The following GPR34 variants were observed in gnomAD, a reference collection of about 807,000 sequenced individuals.
GPR34 encodes the protein G protein-coupled receptor 34.
In GPR34, 3 loss-of-function variants were observed where a neutral mutation model predicts 14.1. The observed-to-expected ratio is 0.21, with a 90% confidence interval of 0.10 to 0.55. GPR34 has a LOEUF of 0.55. GPR34 is among the 20% of genes least tolerant of loss of function. GPR34 has a pLI of 0.94. For missense variants in GPR34, 213 were observed against 292.8 expected (o/e 0.73, Z 1.99); for synonymous variants, 99 against 99.9 (o/e 0.99, Z 0.05).
chrX:41,693,676 C>T (rs751462971), intron 2 of GPR34, among the ~76,000 whole-genome samples: 1 of 111,508 alleles, frequency 9.0e-6, no homozygotes, highest in Non-Finnish European at 1.9e-5. Context: ...AGAAACATGC[C>T]TATACCTTTC....
chrX:41,694,018 T>A (rs1487026751), intron 2 of GPR34, among the ~76,000 whole-genome samples: 1 of 112,222 alleles, frequency 8.9e-6, no homozygotes, highest in Non-Finnish European at 1.9e-5. Context: ...CCACTTTGCA[T>A]GGTAGCAGTC....
At chrX:41,690,325 A>C (rs1051649577) in intron 2 of GPR34, among the ~76,000 whole-genome samples, 1 of 93,215 alleles carries the variant, frequency 1.1e-5, no homozygotes, top group Non-Finnish European at 2.1e-5. Context: ...TTAAAACAGA[A>C]TGTAATTGTG....
At chrX:41,689,990 A>AGTAG (rs959649373) in intron 2 of GPR34, among the ~76,000 whole-genome samples, 155 bp downstream of exon 2, 9 of 111,616 alleles carry the variant, frequency 8.1e-5, no homozygotes, top group Non-Finnish European at 1.7e-4. Context: ...AAACTGCAGG[A>AGTAG]GTAGGTGGTG....
At chrX:41,692,834 G>A (rs918501286) in intron 2 of GPR34, among the ~76,000 whole-genome samples, 5 of 111,788 alleles carry the variant, frequency 4.5e-5, no homozygotes, top group East Asian at 2.8e-4. Context: ...TGGGTTTTTC[G>A]TTGCCACCAC....
intron 2 of GPR34, among the ~76,000 whole-genome samples, chrX:41,694,836 C>T (rs899684396): frequency 1.2e-4 from 13 of 111,691 alleles, no homozygotes; most frequent in African/African-American, 3.9e-4. Flanking sequence ...ATTTAGGATC[C>T]TCTTCTTTAT....
Position 41,696,583 on chromosome X carries a change from C to T in GPR34, c.950C>T (p.Ser317Phe), listed in dbSNP as rs748084056. The T allele has an allele frequency of 1.2e-5, 14 of 1,207,159 alleles. No individual in the cohort carries two copies. The highest frequency in any genetic ancestry group is 2.2e-5 in the Admixed American group (1 of 45,628). The change falls in exon 3 of 3, where the codon TCT (serine) becomes TTT (phenylalanine). Residue 317 changes from serine (S) to phenylalanine (F), a missense_variant. By Grantham distance (155) the Ser-to-Phe change is radical (BLOSUM62 -2). Coordinates refer to ENST00000378142, the MANE Select transcript of GPR34 (RefSeq NM_001097579.2). ...KTNEIMLVLS[S>F]FNSCLDPVMY... ...AATGAGATCATGCTGGTTCTCTCATCTTTCAATAGTTGCTTAGATCCAGTC... is the reference window on the plus strand; with the variant it reads ...AATGAGATCATGCTGGTTCTCTCATTTTTCAATAGTTGCTTAGATCCAGTC...
rs905876106 is a variant in GPR34, at chrX:41,696,872, T to C, written c.*93T>C. 2.2e-5 allele frequency: 12 copies of C among 538,594 alleles called. No individual in the cohort carries two copies. Among genetic ancestry groups the C allele is most frequent in the Non-Finnish European group, 3.4e-5 (12 of 348,782 alleles). 44.4% of individuals were successfully genotyped at this position (538,594 alleles called of 1,213,427 possible). On this transcript the variant is annotated 3_prime_UTR_variant, in exon 3 of 3. Coordinates refer to ENST00000378142, the MANE Select transcript of GPR34 (RefSeq NM_001097579.2). ...AACAAAGTTCTAGCATTTACAAAAC[T>C]CAGATCTCAAAGCTCTGCTTGTATT... is the stretch of plus-strand genomic sequence containing the variant.
chrX:41,694,572 C>T (rs1329460304), intron 2 of GPR34, among the ~76,000 whole-genome samples: 1 of 112,288 alleles, frequency 8.9e-6, no homozygotes, highest in African/African-American at 3.2e-5. Context: ...ACCCAGGGCA[C>T]ATTTAAGCTT....
intron 2 of GPR34, among the ~76,000 whole-genome samples, chrX:41,693,211 G>T (rs1413022690): frequency 9.0e-6 from 1 of 111,349 alleles, no homozygotes; most frequent in African/African-American, 3.3e-5. Context: ...CACAATATAG[G>T]TGGTTCCTCT....
At chrX:41,690,005 G>A (rs1396754351) in intron 2 of GPR34, among the ~76,000 whole-genome samples, 170 bp downstream of exon 2, 1 of 111,022 alleles carries the variant, frequency 9.0e-6, no homozygotes, top group African/African-American at 3.3e-5. Flanking sequence ...GTGGTGGTGC[G>A]GGGGTACAAT....
In GPR34 at chrX:41,696,244, GTTTCCA is replaced by G. The variant is rs1448790974; in HGVS notation, c.614_619del (p.Phe205_His206del). The G allele has an allele frequency of 8.3e-7, 1 of 1,207,096 alleles. No homozygotes were observed. Among genetic ancestry groups the G allele is most frequent in the Non-Finnish European group, 1.1e-6 (1 of 893,124 alleles). On this transcript the variant is annotated inframe_deletion, in exon 3 of 3. Coordinates refer to ENST00000378142, the MANE Select transcript of GPR34 (RefSeq NM_001097579.2). ...AAAGGAGGGCATAATTCCACAATGT[GTTTCCA>G]TTACAGAGATAAGCATAACGCAAAA... is the stretch of plus-strand genomic sequence containing the variant.
rs1286348252 is a variant in GPR34 at position 41,696,776 on chromosome X, T to C, written c.1143T>C (p.Thr381=). ...AAATACAGTCTAGTTCTAAAAGTAC[T>C]TGAGGTAAACATACTAAAATGAATT... ...AVKIQSSSKS[T] The change falls in exon 3 of 3, where the codon ACT becomes ACC. Residue 381 remains threonine (T), a synonymous_variant. Coordinates refer to ENST00000378142, the MANE Select transcript of GPR34 (RefSeq NM_001097579.2). 1 of 1,130,266 alleles carries C rather than the reference T, an allele frequency of 8.8e-7. No individual in the cohort carries two copies. Among genetic ancestry groups the C allele is most frequent in the Admixed American group, 2.5e-5 (1 of 39,845 alleles). The allele number at this position is 1,130,266 out of a possible 1,213,427, so 93.1% of individuals were successfully genotyped here. A position where few individuals can be genotyped will look rare whatever the true frequency, so the allele number is the denominator to read the frequency against.
At chrX:41,689,522 A>G (rs1243125023) in intron 1 of GPR34, among the ~76,000 whole-genome samples, 1 of 111,421 alleles carries the variant, frequency 9.0e-6, no homozygotes, top group Non-Finnish European at 1.9e-5. Flanking sequence ...TATTATTACT[A>G]TTTTATAGTA....
chrX:41,693,347 C>T (rs1052592157), intron 2 of GPR34, among the ~76,000 whole-genome samples: 2 of 111,699 alleles, frequency 1.8e-5, no homozygotes, highest in African/African-American at 3.3e-5. Flanking sequence ...GGCATAGTGG[C>T]TCACACCTGT....
At chrX:41,692,800 C>T (rs773511998) in intron 2 of GPR34, among the ~76,000 whole-genome samples, 4 of 111,854 alleles carry the variant, frequency 3.6e-5, no homozygotes, top group African/African-American at 9.8e-5. Flanking sequence ...TCAGACATCA[C>T]GTATCTAGGA....
chrX:41,691,460 A>G (rs1443892524), intron 2 of GPR34, among the ~76,000 whole-genome samples: 2 of 111,826 alleles, frequency 1.8e-5, no homozygotes, highest in Admixed American at 9.5e-5. Flanking sequence ...CTCAATATTA[A>G]TAAAGAAAAT....
Position 41,695,562 on chromosome X carries a change from C to A in GPR34, c.-72C>A. On this transcript the variant is annotated 5_prime_UTR_variant, in exon 3 of 3. In the 5' UTR this introduces an upstream ATG that the reference lacks. Transcript: ENST00000378142. Reference sequence around the variant, plus strand: ...TTTGGCATTCCGTTGTAGGAAAAATCTGAAGACATAAGAACTACACATGAG... The same window carrying A: ...TTTGGCATTCCGTTGTAGGAAAAATATGAAGACATAAGAACTACACATGAG... 1.4e-6 allele frequency: 1 copy of A among 700,553 alleles called. No individual in the cohort carries two copies. 57.7% of individuals were successfully genotyped at this position (700,553 alleles called of 1,213,427 possible). A position where few individuals can be genotyped will look rare whatever the true frequency, so the allele number is the denominator to read the frequency against.
Position 41,696,391 on chromosome X carries a change from CA to C in GPR34, c.762del (p.Lys254AsnfsTer41). The C allele has an allele frequency of 8.5e-7, 1 of 1,179,534 alleles. No homozygotes were observed. Among genetic ancestry groups the C allele is most frequent in the East Asian group, 3.0e-5 (1 of 33,556 alleles). Reference protein sequence around the residue: ...KNLLRISKRRSKFPNSGKYAT... With the variant: ...KNLLRISKRRXKFPNSGKYAT... ...CTATTGAGGATTTCTAAAAGGAGGT[CA>C]AAATTTCCTAATTCTGGTAAATATG... On this transcript the variant is annotated frameshift_variant, in exon 3 of 3. Transcript: ENST00000378142. LOFTEE classifies it high-confidence loss of function.
chrX:41,695,951 C>T lies in GPR34; in HGVS notation c.318C>T (p.Cys106=). 1 of 1,203,953 alleles carries T rather than the reference C, an allele frequency of 8.3e-7. No individual in the cohort carries two copies. Among genetic ancestry groups the T allele is most frequent in the Non-Finnish European group, 1.1e-6 (1 of 889,189 alleles). The part of the protein sequence containing the change: ...VAIADLLLIF[C]LPFRIMYHIN... ...TTGCAGACCTCCTACTCATCTTCTG[C>T]CTCCCTTTCCGAATAATGTATCATA... Residue 106 remains cysteine (C), a synonymous_variant, in exon 3 of 3, where the codon TGC becomes TGT. Coordinates refer to ENST00000378142, the MANE Select transcript of GPR34 (RefSeq NM_001097579.2).
Sources: gnomAD v4.1 joint callset for allele counts (sites outside exome capture counted in the v4.1 genomes callset) on GRCh38, gnomAD v4.1.1 for gene constraint, MANE v1.5 for transcripts, NCBI Gene and HGNC (gene_info 2026-07-23, HGNC 2026-07-21) for gene names.